Variants in CSTPP1 observed in about 807,000 individuals in gnomAD.
CSTPP1 encodes the protein centriolar satellite-associated tubulin polyglutamylase complex regulator 1, also known as UPF0705 protein C11orf49.
At chr11:46,999,142 C>G in the CSTPP1 span, among the ~76,000 whole-genome samples, 2 of 152,020 alleles carry the variant, frequency 1.3e-5, no homozygotes, top group Non-Finnish European at 2.9e-5. Context: ...AGTCCTCACT[C>G]TATAACCCTG....
the CSTPP1 span, among the ~76,000 whole-genome samples, chr11:47,121,621 A>C: frequency 6.6e-6 from 1 of 152,162 alleles, no homozygotes; most frequent in Non-Finnish European, 1.5e-5. Flanking sequence ...CAGACAAAGA[A>C]ATTGATCCCT....
At chr11:46,997,112 G>A in the CSTPP1 span, among the ~76,000 whole-genome samples, 1 of 152,158 alleles carries the variant, frequency 6.6e-6, no homozygotes, top group African/African-American at 2.4e-5. Context: ...TCCTCGCTAG[G>A]TTGGGGAAGT....
At chr11:46,996,450 C>T in the CSTPP1 span, among the ~76,000 whole-genome samples, 12 of 151,962 alleles carry the variant, frequency 7.9e-5, no homozygotes, top group African/African-American at 1.9e-4. Flanking sequence ...ACTACAGGCA[C>T]GCGCCACCAT....
the CSTPP1 span, among the ~76,000 whole-genome samples, chr11:46,944,725 C>A: frequency 1.2e-4 from 18 of 152,264 alleles, no homozygotes; most frequent in African/African-American, 4.3e-4. Context: ...TAATTAGGGT[C>A]CCTCCTAAAG....
the CSTPP1 span, among the ~76,000 whole-genome samples, chr11:47,083,803 T>C: frequency 6.6e-6 from 1 of 152,258 alleles, no homozygotes; most frequent in South Asian, 2.1e-4. Context: ...TTTACTGCTA[T>C]GTAGTATTCC....
chr11:47,055,990 G>A, the CSTPP1 span, among the ~76,000 whole-genome samples: 1 of 152,188 alleles, frequency 6.6e-6, no homozygotes, highest in African/African-American at 2.4e-5. Context: ...TGTTATCAGA[G>A]GTTATCTTTC....
chr11:46,936,969 C>A, the CSTPP1 span: 6 of 1,037,946 alleles, frequency 5.8e-6, no homozygotes, highest in Non-Finnish European at 7.5e-6. Context: ...TGGGGAGGGG[C>A]GGAGAGGCGG....
chr11:46,961,943 G>A, the CSTPP1 span, among the ~76,000 whole-genome samples: 1 of 152,144 alleles, frequency 6.6e-6, no homozygotes, highest in Non-Finnish European at 1.5e-5. Context: ...AGCATGGCTG[G>A]GGAGGCCTCA....
At chr11:47,146,083 C>G in the CSTPP1 span, among the ~76,000 whole-genome samples, 2 of 152,084 alleles carry the variant, frequency 1.3e-5, no homozygotes, top group African/African-American at 4.8e-5. Flanking sequence ...TACAAATTGG[C>G]TGGGCACAGT....
the CSTPP1 span, among the ~76,000 whole-genome samples, chr11:46,950,538 T>C: frequency 6.6e-6 from 1 of 152,112 alleles, no homozygotes; most frequent in Non-Finnish European, 1.5e-5. Flanking sequence ...TATTTTTTAA[T>C]ACAGAGATAA....
the CSTPP1 span, among the ~76,000 whole-genome samples, chr11:47,024,672 GACAA>G: frequency 6.6e-6 from 1 of 152,174 alleles, no homozygotes; most frequent in East Asian, 1.9e-4. Flanking sequence ...GACCTCACCT[GACAA>G]ACAGGTAGTC....
chr11:46,989,277 G>A, the CSTPP1 span, among the ~76,000 whole-genome samples: 4 of 151,924 alleles, frequency 2.6e-5, no homozygotes, highest in African/African-American at 4.8e-5. Flanking sequence ...CTTAGAATGT[G>A]TAAAAGTCAA....
the CSTPP1 span, among the ~76,000 whole-genome samples, chr11:46,949,202 T>C: frequency 6.6e-6 from 1 of 152,214 alleles, no homozygotes; most frequent in Non-Finnish European, 1.5e-5. Context: ...TCACAGAGGG[T>C]TGAGAGGCTG....
chr11:47,051,200 C>T, the CSTPP1 span, among the ~76,000 whole-genome samples: 1 of 152,088 alleles, frequency 6.6e-6, no homozygotes, highest in Non-Finnish European at 1.5e-5. Flanking sequence ...TAATGTCTGC[C>T]TCTCCACAAA....
the CSTPP1 span, among the ~76,000 whole-genome samples, chr11:47,022,294 G>T: frequency 7.3e-6 from 1 of 137,804 alleles, no homozygotes; most frequent in Admixed American, 7.4e-5. Flanking sequence ...ATTCTACATT[G>T]TATCTTCTGA....
the CSTPP1 span, among the ~76,000 whole-genome samples, chr11:46,997,549 CTT>C: frequency 6.6e-6 from 1 of 152,318 alleles, no homozygotes; most frequent in East Asian, 1.9e-4. Flanking sequence ...CGTCTGAAGC[CTT>C]CTTCTCTCAA....
the CSTPP1 span, among the ~76,000 whole-genome samples, chr11:46,989,654 A>C: frequency 6.6e-6 from 1 of 151,660 alleles, no homozygotes; most frequent in South Asian, 2.1e-4. Flanking sequence ...TGAGATAAAC[A>C]CTTTAAAAAC....
the CSTPP1 span, among the ~76,000 whole-genome samples, chr11:47,132,199 A>T: frequency 6.6e-6 from 1 of 152,172 alleles, no homozygotes; most frequent in Non-Finnish European, 1.5e-5. Flanking sequence ...TTTTGCAGAA[A>T]TGCCTCCTGT....
the CSTPP1 span, chr11:47,157,334 G>A: frequency 8.4e-7 from 1 of 1,184,992 alleles, no homozygotes; most frequent in Non-Finnish European, 1.1e-6. Flanking sequence ...GGCCCTTGCT[G>A]GTCATAATGT....
Sources: gnomAD v4.1 joint callset for allele counts (sites outside exome capture counted in the v4.1 genomes callset) on GRCh38, gnomAD v4.1.1 for gene constraint, MANE v1.5 for transcripts, NCBI Gene and HGNC (gene_info 2026-07-23, HGNC 2026-07-21) for gene names.